Variants in PUS7L observed in about 807,000 individuals in gnomAD.
PUS7L encodes the protein pseudouridine synthase 7 like.
In PUS7L, 49 loss-of-function variants were observed where a neutral mutation model predicts 51.1. That is an observed-to-expected ratio of 0.96 (90% CI 0.76 to 1.22). The LOEUF (loss-of-function observed/expected upper bound fraction) is 1.22. Ranked by LOEUF, PUS7L falls within the 50% of genes most tolerant of loss-of-function variation. The pLI, the probability that PUS7L is intolerant of heterozygous loss-of-function variation, is 0.00. For synonymous variants in PUS7L, 277 were observed against 276.2 expected (o/e 1.00, Z -0.03); for missense variants, 828 against 820.6 (o/e 1.01, Z -0.11).
chr12:43,758,057 G>C (rs1231382926), intron 1 of PUS7L, among the ~76,000 whole-genome samples: 1 of 152,190 alleles, frequency 6.6e-6, no homozygotes, highest in East Asian at 1.9e-4. Context: ...ATTGTAAGAT[G>C]ATTCTGATGG....
In PUS7L at chr12:43,729,425, C is replaced by CT. The variant is rs1944500566; in HGVS notation, c.*950dup. Reference sequence around the variant, plus strand: ...CAGATCTTCCTAAATCAATACATGTCTACATGCCAGTCATTCCTCCCCAAC... The same window carrying CT: ...CAGATCTTCCTAAATCAATACATGTCTTACATGCCAGTCATTCCTCCCCAAC... On this transcript the variant is annotated 3_prime_UTR_variant, in exon 9 of 9. Coordinates refer to ENST00000344862, the MANE Select transcript of PUS7L (RefSeq NM_031292.5). 2.7e-6 allele frequency: 1 copy of CT among 374,628 alleles called. No individual in the cohort carries two copies. Among genetic ancestry groups the CT allele is most frequent in the South Asian group, 1.5e-4 (1 of 6,766 alleles). The allele number at this position is 374,628 out of a possible 1,614,324, so 23.2% of individuals were successfully genotyped here.
chr12:43,741,273 A>G (rs775138916), intron 5 of PUS7L, among the ~76,000 whole-genome samples: 2 of 152,224 alleles, frequency 1.3e-5, no homozygotes, highest in Non-Finnish European at 2.9e-5. Flanking sequence ...ATGCTGGACT[A>G]CAAGTCCCTT....
intron 2 of PUS7L, among the ~76,000 whole-genome samples, chr12:43,752,419 T>A (rs1232091279): frequency 6.6e-6 from 1 of 152,240 alleles, no homozygotes; most frequent in African/African-American, 2.4e-5. Context: ...CCTCAAATTC[T>A]TTCCAAGTTC....
chr12:43,747,396 A>G (rs1401960511), intron 3 of PUS7L, among the ~76,000 whole-genome samples: 1 of 152,160 alleles, frequency 6.6e-6, no homozygotes, highest in Non-Finnish European at 1.5e-5. Flanking sequence ...TGATTTTCAT[A>G]TATATAATAA....
chr12:43,736,764 T>G, intron 6 of PUS7L, 103 bp from the exon 7 acceptor site: 1 of 988,750 alleles, frequency 1.0e-6, no homozygotes, highest in Non-Finnish European at 1.5e-6. Flanking sequence ...ACATGGGTAT[T>G]AAGATGATAT....
chr12:43,748,141 A>G (rs982103663), intron 3 of PUS7L, among the ~76,000 whole-genome samples: 2 of 152,150 alleles, frequency 1.3e-5, no homozygotes, highest in African/African-American at 4.8e-5. Context: ...TTTTTAAAAA[A>G]CTTTTTTCTA....
chr12:43,723,131 T>C lies in PUS7L; in HGVS notation c.*7245A>G, dbSNP rs2137642060. ...CTAAATTTAAATAATTTCATGGCTATTCTGACTTCTTTCCATAGTAAAATT... is the reference window on the plus strand; with the variant it reads ...CTAAATTTAAATAATTTCATGGCTACTCTGACTTCTTTCCATAGTAAAATT... On this transcript the variant is annotated 3_prime_UTR_variant, in exon 9 of 9. Transcript: ENST00000344862. The C allele has an allele frequency of 6.6e-6, 1 of 152,256 alleles. No individual in the cohort carries two copies. The highest frequency in any genetic ancestry group is 1.9e-4 in the East Asian group (1 of 5,190). 9.4% of individuals were successfully genotyped at this position (152,256 alleles called of 1,614,324 possible).
Position 43,729,392 on chromosome 12 carries a change from G to T in PUS7L, c.*984C>A, listed in dbSNP as rs1391254235. ...TCATTATATCTTACCAACAATGAAA[G>T]AAATGCTCAGATCTTCCTAAATCAA... On this transcript the variant is annotated 3_prime_UTR_variant, in exon 9 of 9. Transcript: ENST00000344862. 2.6e-6 allele frequency: 1 copy of T among 383,968 alleles called. No homozygotes were observed. Among genetic ancestry groups the T allele is most frequent in the Non-Finnish European group, 4.6e-6 (1 of 216,590 alleles). The allele number at this position is 383,968 out of a possible 1,614,324, so 23.8% of individuals were successfully genotyped here. A position where few individuals can be genotyped will look rare whatever the true frequency, so the allele number is the denominator to read the frequency against.
rs1937717039 is a variant in PUS7L, at chr12:43,738,372, A to C, written c.1382T>G (p.Phe461Cys). Reference protein sequence around the residue: ...KNEMMKAIKLFLTPEDLDDPV... With the variant: ...KNEMMKAIKLCLTPEDLDDPV... ...ATCATCCAAGTCTTCTGGTGTAAGAAACAATTTTATGGCTTTCATCTTAAA... is the reference window on the plus strand; with the variant it reads ...ATCATCCAAGTCTTCTGGTGTAAGACACAATTTTATGGCTTTCATCTTAAA... Residue 461 changes from phenylalanine (F) to cysteine (C), a missense_variant, in exon 6 of 9, where the codon TTT becomes TGT. Phe to Cys is a radical substitution (Grantham distance 205). Coordinates refer to ENST00000344862, the MANE Select transcript of PUS7L (RefSeq NM_031292.5). 8 of 1,585,970 alleles carry C rather than the reference A, an allele frequency of 5.0e-6. No homozygotes were observed. Among genetic ancestry groups the C allele is most frequent in the Admixed American group, 1.7e-5 (1 of 59,556 alleles).
chr12:43,734,961 A>G (rs1451468921), intron 7 of PUS7L, among the ~76,000 whole-genome samples: 3 of 152,218 alleles, frequency 2.0e-5, no homozygotes, highest in Non-Finnish European at 4.4e-5. Context: ...AGCACTATCA[A>G]ATGAATTTCC....
At chr12:43,732,979 T>C (rs1944595428) in intron 7 of PUS7L, among the ~76,000 whole-genome samples, 2 of 152,226 alleles carry the variant, frequency 1.3e-5, no homozygotes, top group South Asian at 4.1e-4. Context: ...CTACATACTG[T>C]GATTTAAGTA....
Position 43,748,623 on chromosome 12 carries a change from A to T in PUS7L, c.911-14T>A. On this transcript the variant is annotated splice_polypyrimidine_tract_variant and intron_variant, in intron 2 of 8. Transcript: ENST00000344862. ...GTAGGGTAAAAGCTGAAACAAAAAA[A>T]AAACTTAGATCACAAAAAAAGCAGC... The T allele has an allele frequency of 6.4e-7, 1 of 1,567,688 alleles. No homozygotes were observed. Among genetic ancestry groups the T allele is most frequent in the Non-Finnish European group, 8.6e-7 (1 of 1,166,210 alleles).
At chr12:43,745,106 A>G (rs1381951565) in intron 4 of PUS7L, among the ~76,000 whole-genome samples, 2 of 148,082 alleles carry the variant, frequency 1.4e-5, no homozygotes, top group African/African-American at 2.6e-5. Context: ...ATTAGTTGCA[A>G]GAGGAACCAT....
In PUS7L at chr12:43,754,439, A is replaced by G; in HGVS notation, c.807T>C (p.Ala269=). The G allele has an allele frequency of 6.2e-7, 1 of 1,613,842 alleles. No individual in the cohort carries two copies. The highest frequency in any genetic ancestry group is 8.5e-7 in the Non-Finnish European group (1 of 1,179,792). Residue 269 remains alanine (A), a synonymous_variant, in exon 2 of 9, where the codon GCT becomes GCC. Coordinates refer to ENST00000344862, the MANE Select transcript of PUS7L (RefSeq NM_031292.5). Reference sequence around the variant, plus strand: ...CTGTTACCACCACATTCGGATTACCAGCACTGCAATTCATTTTAGAAAAAG... The same window carrying G: ...CTGTTACCACCACATTCGGATTACCGGCACTGCAATTCATTTTAGAAAAAG... ...TKSFSKMNCS[A]GNPNVVVTVR...
Position 43,754,401 on chromosome 12 carries a change from T to TC in PUS7L, c.844dup (p.Glu282GlyfsTer13). The TC allele has an allele frequency of 6.2e-7, 1 of 1,612,254 alleles. No individual in the cohort carries two copies. The highest frequency in any genetic ancestry group is 1.1e-5 in the South Asian group (1 of 90,618). ...CCTTTTCCCACGTTTGTGTGCTTTT[T>TC]CCCGAAATCTTACTGTTACCACCAC... On this transcript the variant is annotated frameshift_variant, in exon 2 of 9. Transcript: ENST00000344862. LOFTEE classifies it high-confidence loss of function.
intron 3 of PUS7L, among the ~76,000 whole-genome samples, chr12:43,747,031 C>T (rs1938205768): frequency 6.6e-6 from 1 of 152,054 alleles, no homozygotes; most frequent in Non-Finnish European, 1.5e-5. Flanking sequence ...CTTTTTTGTC[C>T]CCCATATAAG....
In PUS7L at chr12:43,755,007, A is replaced by G; in HGVS notation, c.239T>C (p.Leu80Ser). ...AACTTCTTGGTTTCTTCCATCTTCT[A>G]AGGACAGATTTTGAAGATCTAGTTT... ...KPKLDLQNLSLEDGRNQEVHT... is the reference protein window; with the variant it reads ...KPKLDLQNLSSEDGRNQEVHT... The change falls in exon 2 of 9, where the codon TTA (leucine) becomes TCA (serine). Residue 80 changes from leucine (L) to serine (S), a missense_variant. By Grantham distance (145) the Leu-to-Ser change is moderately radical. Transcript: ENST00000344862. 6.2e-7 allele frequency: 1 copy of G among 1,613,304 alleles called. No individual in the cohort carries two copies. The highest frequency in any genetic ancestry group is 1.1e-5 in the South Asian group (1 of 90,990).
rs1481849768 is a variant in PUS7L, at chr12:43,726,530, A to G, written c.*3846T>C. On this transcript the variant is annotated 3_prime_UTR_variant, in exon 9 of 9. Transcript: ENST00000344862. ...TCCAAAAGCAACTGGAACAAAGCCA[A>G]TAATTGACAAGTGAAGGCTGGGCAT... 6.6e-6 allele frequency: 1 copy of G among 152,184 alleles called. No individual in the cohort carries two copies. The highest frequency in any genetic ancestry group is 2.1e-4 in the South Asian group (1 of 4,830). The allele number at this position is 152,184 out of a possible 1,614,324, so 9.4% of individuals were successfully genotyped here.
rs1172743738 is a variant in PUS7L, at chr12:43,754,385, A to G, written c.861T>C (p.Arg287=). 1 of 1,610,086 alleles carries G rather than the reference A, an allele frequency of 6.2e-7. No homozygotes were observed. The highest frequency in any genetic ancestry group is 8.5e-7 in the Non-Finnish European group (1 of 1,178,780). ...TVRFREKAHK[R]GKRPLSECQE... ...GGCATTCAGAAAGAGGCCTTTTCCC[A>G]CGTTTGTGTGCTTTTTCCCGAAATC... Residue 287 remains arginine, a synonymous_variant, in exon 2 of 9, where the codon CGT becomes CGC. Coordinates refer to ENST00000344862, the MANE Select transcript of PUS7L (RefSeq NM_031292.5).
Sources: allele counts gnomAD v4.1 joint callset (sites outside exome capture counted in the v4.1 genomes callset), GRCh38; gene constraint gnomAD v4.1.1; transcripts MANE v1.5; gene names NCBI Gene and HGNC (gene_info 2026-07-23, HGNC 2026-07-21).